DDX23: variants seen among roughly 807,000 people sequenced by gnomAD.
DDX23 encodes the protein DEAD-box helicase 23.
Under a neutral mutation model 102.7 loss-of-function variants are expected in DDX23, and 33 were observed. The observed-to-expected ratio is 0.32, with a 90% CI of 0.24 to 0.43. The LOEUF (loss-of-function observed/expected upper bound fraction) is 0.43, where lower values mean the gene tolerates loss of function less well. DDX23 is among the 20% of genes least tolerant of loss of function. DDX23 has a pLI of 1.00. For synonymous variants in DDX23, 352 were observed against 376.0 expected, an observed-to-expected ratio of 0.94 and a Z score of 0.74; for missense variants, 549 against 1,086.6, an observed-to-expected ratio of 0.51 and a Z score of 6.96.
At position 48,842,800 on chromosome 12, in the gene DDX23, T is replaced by C. The variant is rs1367207808; in HGVS notation, c.320+1140A>G. Among the ~76,000 whole-genome samples, 6 of 152,192 alleles carry C rather than the reference T, an allele frequency of 3.9e-5. No individual in the cohort carries two copies. The East Asian group carries it at 7.7e-4, about 20-fold the overall frequency. On this transcript the variant is annotated intron_variant, in intron 3 of 16. Transcript: ENST00000308025. ...CCACCACCCCGTCTGGGAGGTGTACTCAACAGCTCATTGAGAACGGACCAT... is the reference window on the plus strand; with the variant it reads ...CCACCACCCCGTCTGGGAGGTGTACCCAACAGCTCATTGAGAACGGACCAT...
intron 12 of DDX23, 56 bp downstream of exon 12, chr12:48,834,264 A>T (rs1938432436): frequency 6.6e-7 from 1 of 1,523,376 alleles, no homozygotes; most frequent in African/African-American, 1.4e-5. Context: ...ACTAGAAACA[A>T]AGCCCCAAGA....
intron 16 of DDX23, 127 bp downstream of exon 16, chr12:48,831,015 A>G: frequency 9.0e-7 from 1 of 1,113,834 alleles, no homozygotes; most frequent in Non-Finnish European, 1.3e-6. Flanking sequence ...CATGGGAGCA[A>G]GCAATCCCAG....
At position 48,832,555 on chromosome 12, in the gene DDX23, T is replaced by C; in HGVS notation, c.1822A>G (p.Thr608Ala). 6.2e-7 allele frequency: 1 copy of C among 1,614,096 alleles called. No homozygotes were observed. The highest frequency in any genetic ancestry group is 8.5e-7 in the Non-Finnish European group (1 of 1,179,984). ...AGACGCTCCACCGCTGGGGGCATGG[T>C]GGCCGTGAACATGACTGTCTACGAA... ...KYRQTVMFTA[T>A]MPPAVERLAR... Residue 608 changes from threonine (T) to alanine (A), a missense_variant, in exon 14 of 17, where the codon ACC becomes GCC. This residue lies in a region of DDX23 where 270 missense variants were observed against 707.0 expected (regional missense o/e 0.38). Transcript: ENST00000308025. The surrounding 1 kb of genome is among the most constrained non-coding windows in gnomAD (Gnocchi z 4.4).
At chr12:48,847,799 G>A (rs1461904719) in intron 1 of DDX23, among the ~76,000 whole-genome samples, 1 of 152,102 alleles carries the variant, frequency 6.6e-6, no homozygotes, top group African/African-American at 2.4e-5. Flanking sequence ...CTGGGTGACA[G>A]GGCAAAACCC....
chr12:48,838,179 G>A, intron 5 of DDX23, 99 bp from the exon 6 acceptor site: 3 of 1,557,692 alleles, frequency 1.9e-6, no homozygotes, highest in Non-Finnish European at 2.6e-6. Context: ...TATTTGCTCA[G>A]GCATTAAGCC....
intron 11 of DDX23, chr12:48,835,144 C>T: frequency 8.5e-6 from 2 of 235,230 alleles, no homozygotes; most frequent in Non-Finnish European, 1.8e-5. Flanking sequence ...ACTTGGGAGG[C>T]TGAGGTAGGA....
intron 1 of DDX23, among the ~76,000 whole-genome samples, chr12:48,848,643 G>A (rs1414371496): frequency 6.6e-6 from 1 of 152,172 alleles, no homozygotes; most frequent in Non-Finnish European, 1.5e-5. Context: ...GGAGGGCAGT[G>A]GCACAATCAC....
chr12:48,844,904 G>A (rs1427704556), intron 2 of DDX23, among the ~76,000 whole-genome samples: 2 of 151,672 alleles, frequency 1.3e-5, no homozygotes, highest in African/African-American at 4.8e-5. Flanking sequence ...CGTAATCCCA[G>A]CACTTTGGGA....
At chr12:48,850,192 G>A (rs1475685310) in intron 1 of DDX23, among the ~76,000 whole-genome samples, 1 of 152,168 alleles carries the variant, frequency 6.6e-6, no homozygotes, top group African/African-American at 2.4e-5. Context: ...TTCTAGGAAC[G>A]TGGCGATGGA....
Position 48,843,934 on chromosome 12 carries a change from A to C in DDX23, c.320+6T>G. 1 of 1,613,904 alleles carries C rather than the reference A, an allele frequency of 6.2e-7. No individual in the cohort carries two copies. Among genetic ancestry groups the C allele is most frequent in the Non-Finnish European group, 8.5e-7 (1 of 1,179,816 alleles). On this transcript the variant is annotated splice_donor_region_variant and intron_variant, in intron 3 of 16. Coordinates refer to ENST00000308025, the MANE Select transcript of DDX23 (RefSeq NM_004818.3). ...CCCTAAAGCCCCCTCTCATTCCTTC[A>C]TGTACCTGGATCGTTTACGGTCCTT...
In DDX23 at chr12:48,837,081, C is replaced by T. The variant is rs545675284; in HGVS notation, c.867-44G>A. On this transcript the variant is annotated intron_variant, in intron 8 of 16. Transcript: ENST00000308025. ...AAAAGAAAAAAGAAGGAGCTGTTAACGGCAGTAGGAAGGAAGGGCAGACTA... is the reference window on the plus strand; with the variant it reads ...AAAAGAAAAAAGAAGGAGCTGTTAATGGCAGTAGGAAGGAAGGGCAGACTA... 47 of 1,611,248 alleles carry T rather than the reference C, an allele frequency of 2.9e-5. 1 individual carries two copies. Among genetic ancestry groups the T allele is most frequent in the South Asian group, 2.0e-4 (18 of 90,994 alleles).
rs1938491472 is a variant in DDX23 at position 48,838,072 on chromosome 12, G to A, written c.489C>T (p.Phe163=). 6.2e-7 allele frequency: 1 copy of A among 1,614,164 alleles called. No individual in the cohort carries two copies. Among genetic ancestry groups the A allele is most frequent in the Non-Finnish European group, 8.5e-7 (1 of 1,180,040 alleles). The change falls in exon 6 of 17, where the codon TTC becomes TTT. Residue 163 remains phenylalanine (F), a synonymous_variant. Coordinates refer to ENST00000308025, the MANE Select transcript of DDX23 (RefSeq NM_004818.3). ...CAGCCTCTCGTTCTGCTTTAGAGAGGAACTTGGGCTACAAAAGAGATTGGA... is the reference window on the plus strand; with the variant it reads ...CAGCCTCTCGTTCTGCTTTAGAGAGAAACTTGGGCTACAAAAGAGATTGGA... ...AEEEAEAKPK[F]LSKAEREAEA...
rs1375529710 is a variant in DDX23 at position 48,836,225 on chromosome 12, T to C, written c.1278A>G (p.Leu426=). ...PIQRQAIPIG[L]QNRDIIGVAE... ...CCACACCAATGATGTCACGATTCTG[T>C]AGCCCAATGGGAATTGCCTGACGCT... is the stretch of plus-strand genomic sequence containing the variant. The change falls in exon 11 of 17, where the codon CTA becomes CTG. Residue 426 remains leucine, a synonymous_variant. Coordinates refer to ENST00000308025, the MANE Select transcript of DDX23 (RefSeq NM_004818.3). This position sits in a 1 kb window ranked among gnomAD's most constrained non-coding sequence, Gnocchi z 6.1. 6 of 1,614,036 alleles carry C rather than the reference T, an allele frequency of 3.7e-6. No individual in the cohort carries two copies. In the Admixed American group the frequency reaches 8.3e-5, roughly 22 times the overall value.
intron 8 of DDX23, 71 bp from the exon 9 acceptor site, chr12:48,837,108 T>C: frequency 5.0e-6 from 8 of 1,600,274 alleles, no homozygotes; most frequent in Admixed American, 1.7e-5. Context: ...GGCAGACTAC[T>C]AGTATGAAAC....
intron 1 of DDX23, among the ~76,000 whole-genome samples, chr12:48,851,527 T>C (rs1388739135): frequency 6.6e-6 from 1 of 151,926 alleles, no homozygotes; most frequent in Non-Finnish European, 1.5e-5. Flanking sequence ...ATGAGACACA[T>C]ACCAAGAAGA....
chr12:48,849,522 C>T (rs1180613242), intron 1 of DDX23, among the ~76,000 whole-genome samples: 11 of 152,000 alleles, frequency 7.2e-5, no homozygotes, highest in South Asian at 2.1e-4. Flanking sequence ...ATTAGCCAGG[C>T]GTGATGTCAG....
chr12:48,839,847 A>G lies in DDX23; in HGVS notation c.477T>C (p.Ala159=), dbSNP rs756080116. ...ATGAAGACCCTCAAGTACTTACCTTAGCCTCAGCTTCTTCCTCAGCCTTTT... is the reference window on the plus strand; with the variant it reads ...ATGAAGACCCTCAAGTACTTACCTTGGCCTCAGCTTCTTCCTCAGCCTTTT... ...AKKKAEEEAE[A]KPKFLSKAER... The change falls in exon 5 of 17, where the codon GCT becomes GCC. Residue 159 remains alanine, a synonymous_variant. Transcript: ENST00000308025. 6.2e-7 allele frequency: 1 copy of G among 1,614,186 alleles called. No homozygotes were observed. Among genetic ancestry groups the G allele is most frequent in the Non-Finnish European group, 8.5e-7 (1 of 1,180,020 alleles).
intron 3 of DDX23, among the ~76,000 whole-genome samples, chr12:48,840,701 T>G (rs1592202407): frequency 6.6e-6 from 1 of 151,722 alleles, no homozygotes; most frequent in Non-Finnish European, 1.5e-5. Flanking sequence ...TACAGGCGAG[T>G]ACTGCCACCA....
rs759688387 is a variant in DDX23, at chr12:48,837,665, C to A, written c.620-8G>T. 1.2e-6 allele frequency: 2 copies of A among 1,613,532 alleles called. No individual in the cohort carries two copies. Among genetic ancestry groups the A allele is most frequent in the Admixed American group, 3.3e-5 (2 of 59,942 alleles). On this transcript the variant is annotated splice_region_variant and splice_polypyrimidine_tract_variant and intron_variant, in intron 6 of 16. Transcript: ENST00000308025. Reference sequence around the variant, plus strand: ...CCCGTTCCTGAGGATCTTCTGCAGACCAAAGAAAGCAAAGCTGCAGAAGAG... The same window carrying A: ...CCCGTTCCTGAGGATCTTCTGCAGAACAAAGAAAGCAAAGCTGCAGAAGAG...
Sources: allele counts gnomAD v4.1 joint callset (sites outside exome capture counted in the v4.1 genomes callset), GRCh38; gene constraint gnomAD v4.1.1; regional missense constraint gnomAD v4.1.1; non-coding constraint Gnocchi (gnomAD v3.1); transcripts MANE v1.5; gene names NCBI Gene and HGNC (gene_info 2026-07-23, HGNC 2026-07-21).